The following RBM38 variants were observed in gnomAD, a reference collection of about 807,000 sequenced individuals.
The protein encoded by RBM38 is RNA binding motif protein 38, also known as RNA-binding protein 38.
In RBM38, 11 loss-of-function variants were observed where a neutral mutation model predicts 23.5. The ratio of observed to expected loss-of-function variants is 0.47; its 90% CI spans 0.29 to 0.77. RBM38 has a LOEUF of 0.77. RBM38 is among the 30% of genes least tolerant of loss of function. The pLI, the probability that RBM38 is intolerant of heterozygous loss-of-function variation, is 0.08. For synonymous variants in RBM38, 165 were observed against 166.1 expected, an observed-to-expected ratio of 0.99 and a Z score of 0.05; for missense variants, 330 against 351.9, an observed-to-expected ratio of 0.94 and a Z score of 0.50.
chr20:57,399,839 G>GCGGTCA (rs2146210960), intron 3 of RBM38: 1 of 455,610 alleles, frequency 2.2e-6, no homozygotes, highest in African/African-American at 2.0e-5. Context: ...CCTAAGAGCT[G>GCGGTCA]CGGTCCGTCT....
rs753961046 is a variant in RBM38, at chr20:57,391,581, C to A, written c.-1C>A. ...GGTCCGTAGGCGGCGGGGCGCCCCCCATGCTGCTGCAGCCCGCGCCGTGCG... is the reference window on the plus strand; with the variant it reads ...GGTCCGTAGGCGGCGGGGCGCCCCCAATGCTGCTGCAGCCCGCGCCGTGCG... On this transcript the variant is annotated 5_prime_UTR_variant, in exon 1 of 4. Coordinates refer to ENST00000356208, the MANE Select transcript of RBM38 (RefSeq NM_017495.6). The A allele has an allele frequency of 1.0e-4, 121 of 1,207,934 alleles. No individual in the cohort carries two copies. The highest frequency in any genetic ancestry group is 1.4e-4 in the Admixed American group (3 of 21,564). 74.8% of individuals were successfully genotyped at this position (1,207,934 alleles called of 1,614,324 possible).
At chr20:57,392,930 T>A in intron 2 of RBM38, 153 bp downstream of exon 2, 3 of 1,052,516 alleles carry the variant, frequency 2.9e-6, no homozygotes, top group Non-Finnish European at 4.1e-6. Flanking sequence ...CATCCCCCCC[T>A]CGAGGATCTA....
chr20:57,392,539 C>T, intron 1 of RBM38, 115 bp from the exon 2 acceptor site: 1 of 1,517,098 alleles, frequency 6.6e-7, no homozygotes, highest in Middle Eastern at 1.8e-4. Flanking sequence ...GTCACAGGCA[C>T]CCTCAGAGGA....
At position 57,392,634 on chromosome 20, in the gene RBM38, ATG is replaced by A; in HGVS notation, c.238-16_238-15del. The A allele has an allele frequency of 6.2e-7, 1 of 1,606,812 alleles. No homozygotes were observed. Among genetic ancestry groups the A allele is most frequent in the Non-Finnish European group, 8.5e-7 (1 of 1,177,214 alleles). On this transcript the variant is annotated intron_variant, in intron 1 of 3. Transcript: ENST00000356208. ...CTGGTTCCCCCCACGGCAGCCCCTGATGTGTCTCTGCTCCACCAGGTGACCAT... is the reference window on the plus strand; with the variant it reads ...CTGGTTCCCCCCACGGCAGCCCCTGATGTCTCTGCTCCACCAGGTGACCAT...
rs1224158984 is a variant in RBM38, at chr20:57,394,483, G to A, written c.416+1150G>A. ...ATGTGTGCAAGTGTAGCAGTGGGAGGAGCCGCTGGCTGAGGGGTGCTGGAG... is the reference window on the plus strand; with the variant it reads ...ATGTGTGCAAGTGTAGCAGTGGGAGAAGCCGCTGGCTGAGGGGTGCTGGAG... On this transcript the variant is annotated intron_variant, in intron 3 of 3. Coordinates refer to ENST00000356208, the MANE Select transcript of RBM38 (RefSeq NM_017495.6). Among the ~76,000 whole-genome samples the A allele has an allele frequency of 2.0e-5, 3 of 152,214 alleles. No homozygotes were observed. The East Asian group carries it at 5.8e-4, about 29-fold the overall frequency.
chr20:57,392,957 G>C lies in RBM38; in HGVS notation c.361+180G>C. On this transcript the variant is annotated intron_variant, in intron 2 of 3. Transcript: ENST00000356208. ...GAGGATCTAGACCCCTTCTCACAGC[G>C]TGTGGCCCAAAGAAGGGGGCGGGGG... is the stretch of plus-strand genomic sequence containing the variant. 5 of 867,632 alleles carry C rather than the reference G, an allele frequency of 5.8e-6. No homozygotes were observed. In the South Asian group the frequency reaches 8.8e-5, roughly 15 times the overall value. The allele number at this position is 867,632 out of a possible 1,614,324, so 53.7% of individuals were successfully genotyped here. A position where few individuals can be genotyped will look rare whatever the true frequency, so the allele number is the denominator to read the frequency against.
chr20:57,407,632 A>T lies in RBM38; in HGVS notation c.506A>T (p.Tyr169Phe). The T allele has an allele frequency of 6.2e-7, 1 of 1,613,458 alleles. No individual in the cohort carries two copies. Among genetic ancestry groups the T allele is most frequent in the Non-Finnish European group, 8.5e-7 (1 of 1,179,838 alleles). Residue 169 changes from tyrosine to phenylalanine, a missense_variant, in exon 4 of 4, where the codon TAC (tyrosine) becomes TTC (phenylalanine). Coordinates refer to ENST00000356208, the MANE Select transcript of RBM38 (RefSeq NM_017495.6). The surrounding 1 kb of genome is among the most constrained non-coding windows in gnomAD (Gnocchi z 4.0). ...AAPVPSLSSPYIEYTPASPAY... is the reference protein window; with the variant it reads ...AAPVPSLSSPFIEYTPASPAY... ...CCTGTCCCGTCGCTGTCCTCGCCCTACATTGAGTACACGCCGGCCAGCCCG... is the reference window on the plus strand; with the variant it reads ...CCTGTCCCGTCGCTGTCCTCGCCCTTCATTGAGTACACGCCGGCCAGCCCG...
chr20:57,403,183 C>T lies in RBM38; in HGVS notation c.417-4360C>T, dbSNP rs1007056661. 6.6e-5 allele frequency among the ~76,000 whole-genome samples: 10 copies of T among 152,212 alleles called. No homozygotes were observed. In the East Asian group the frequency reaches 1.2e-3, roughly 18 times the overall value. On this transcript the variant is annotated intron_variant, in intron 3 of 3. Transcript: ENST00000356208. ...GGGCACAGTTGTCCTGGTTGGGAATCGCTGTTCTAGTGGCACCTCTAGGCC... is the reference window on the plus strand; with the variant it reads ...GGGCACAGTTGTCCTGGTTGGGAATTGCTGTTCTAGTGGCACCTCTAGGCC...
chr20:57,407,005 AAAAAAC>A lies in RBM38; in HGVS notation c.417-534_417-529del, dbSNP rs2067392096. On this transcript the variant is annotated intron_variant, in intron 3 of 3. Transcript: ENST00000356208. The surrounding 1 kb of genome is among the most constrained non-coding windows in gnomAD (Gnocchi z 4.0). ...CGAGACTCTGTCTCAAAAAAAAAAAAAAAAACAAACCCTGTGAGGAGCAGGTGTTGG... is the reference window on the plus strand; with the variant it reads ...CGAGACTCTGTCTCAAAAAAAAAAAAAAACCCTGTGAGGAGCAGGTGTTGG... Among the ~76,000 whole-genome samples the A allele has an allele frequency of 1.3e-5, 2 of 150,624 alleles. No individual in the cohort carries two copies. The highest frequency in any genetic ancestry group is 2.1e-4 in the South Asian group (1 of 4,790).
intron 3 of RBM38, among the ~76,000 whole-genome samples, chr20:57,398,759 C>T (rs549504737): frequency 1.2e-3 from 179 of 152,378 alleles, no homozygotes; most frequent in African/African-American, 4.2e-3. Context: ...CTTCTGGAAG[C>T]CTTGGGCCAA....
At chr20:57,401,954 T>C (rs1386096697) in intron 3 of RBM38, among the ~76,000 whole-genome samples, 3 of 151,918 alleles carry the variant, frequency 2.0e-5, no homozygotes, top group African/African-American at 7.3e-5. Flanking sequence ...ATGTTTTCGT[T>C]TGTTTGTTTT....
intron 3 of RBM38, among the ~76,000 whole-genome samples, chr20:57,397,849 C>A (rs1021724285): frequency 1.3e-4 from 20 of 152,190 alleles, no homozygotes; most frequent in African/African-American, 4.8e-4. Flanking sequence ...CACTCGTGGG[C>A]CCACATGGTG....
At chr20:57,406,011 G>A (rs1006189437) in intron 3 of RBM38, among the ~76,000 whole-genome samples, 1 of 152,218 alleles carries the variant, frequency 6.6e-6, no homozygotes, top group Non-Finnish European at 1.5e-5. Flanking sequence ...CTGCCTACAG[G>A]TCAGAAGGAA....
At chr20:57,393,396 G>T in intron 3 of RBM38, 63 bp downstream of exon 3, 1 of 1,516,380 alleles carries the variant, frequency 6.6e-7, no homozygotes, top group Non-Finnish European at 9.2e-7. Context: ...AGGGCCTTGG[G>T]CTTCCTGGGT....
intron 3 of RBM38, among the ~76,000 whole-genome samples, chr20:57,404,485 T>TG (rs139058937): frequency 0.032 from 4,946 of 152,328 alleles, 247 homozygotes; most frequent in African/African-American, 0.11. Context: ...GCACTGATGA[T>TG]GCCAGGGACA....
At position 57,408,341 on chromosome 20, in the gene RBM38, A is replaced by AG. The variant is rs761639095; in HGVS notation, c.*497dup. On this transcript the variant is annotated 3_prime_UTR_variant, in exon 4 of 4. Transcript: ENST00000356208. ...AGCTGTGAGCGCAGTCTGAGGTGTG[A>AG]GGACACGGCCTCCTGTTGGAGTCCC... 9.7e-5 allele frequency: 16 copies of AG among 165,004 alleles called. No homozygotes were observed. Among genetic ancestry groups the AG allele is most frequent in the East Asian group, 6.4e-4 (4 of 6,264 alleles). The allele number at this position is 165,004 out of a possible 1,614,324, so 10.2% of individuals were successfully genotyped here.
rs1600762933 is a variant in RBM38, at chr20:57,408,694, G to A, written c.*848G>A. ...GCTCGCGGGCCAGGATCCTCTCGGTGGGATGGGCACCACAGACAGGAGGCC... is the reference window on the plus strand; with the variant it reads ...GCTCGCGGGCCAGGATCCTCTCGGTAGGATGGGCACCACAGACAGGAGGCC... On this transcript the variant is annotated 3_prime_UTR_variant, in exon 4 of 4. Transcript: ENST00000356208. 1 of 151,916 alleles carries A rather than the reference G, an allele frequency of 6.6e-6. No homozygotes were observed. The highest frequency in any genetic ancestry group is 2.4e-5 in the African/African-American group (1 of 41,180). The allele number at this position is 151,916 out of a possible 1,614,324, so 9.4% of individuals were successfully genotyped here.
At chr20:57,393,800 A>C (rs1385273935) in intron 3 of RBM38, among the ~76,000 whole-genome samples, 1 of 152,150 alleles carries the variant, frequency 6.6e-6, no homozygotes, top group Non-Finnish European at 1.5e-5. Flanking sequence ...CCAAGGTCTG[A>C]TGTTTGTGAA....
chr20:57,403,016 G>A (rs2067344748), intron 3 of RBM38, among the ~76,000 whole-genome samples: 1 of 152,222 alleles, frequency 6.6e-6, no homozygotes, highest in Non-Finnish European at 1.5e-5. Flanking sequence ...TTGTTGTGGG[G>A]GCACCCTGAG....
Sources: allele counts gnomAD v4.1 joint callset (sites outside exome capture counted in the v4.1 genomes callset), GRCh38; gene constraint gnomAD v4.1.1; non-coding constraint Gnocchi (gnomAD v3.1); transcripts MANE v1.5; gene names NCBI Gene and HGNC (gene_info 2026-07-23, HGNC 2026-07-21).